The following ACSL5 variants were observed in gnomAD, a reference collection of about 807,000 sequenced individuals.
The protein encoded by ACSL5 is acyl-CoA synthetase long chain family member 5, also known as long-chain-fatty-acid--CoA ligase 5.
In ACSL5, 50 loss-of-function variants were observed where a neutral mutation model predicts 84.9. That is an observed-to-expected ratio of 0.59 (90% CI 0.47 to 0.75). The LOEUF is 0.75. ACSL5 is among the 30% of genes least tolerant of loss of function. The pLI is 0.00. For missense variants in ACSL5, 775 were observed against 830.4 expected (o/e 0.93, Z 0.82); for synonymous variants, 280 against 300.7 (o/e 0.93, Z 0.71).
chr10:112,387,816 CA>C (rs1769495768), intron 1 of ACSL5, among the ~76,000 whole-genome samples: 1 of 151,292 alleles, frequency 6.6e-6, no homozygotes, highest in African/African-American at 2.4e-5. Flanking sequence ...CAATTAAATA[CA>C]AATTAATGAA....
At position 112,409,544 on chromosome 10, in the gene ACSL5, G is replaced by T. The variant is rs1287081923; in HGVS notation, c.570G>T (p.Lys190Asn). 1.4e-5 allele frequency: 22 copies of T among 1,613,838 alleles called. No homozygotes were observed. The highest frequency in any genetic ancestry group is 1.8e-5 in the Non-Finnish European group (21 of 1,180,006). The change falls in exon 7 of 21, where the codon AAG becomes AAT. Residue 190 changes from lysine to asparagine, a missense_variant. Lys to Asn is a moderately conservative substitution (Grantham distance 94). Coordinates refer to ENST00000354655, the MANE Select transcript of ACSL5 (RefSeq NM_203379.2). ...IAMVICDTPQKALVLIGNVEK... is the reference protein window; with the variant it reads ...IAMVICDTPQNALVLIGNVEK... Reference sequence around the variant, plus strand: ...TGGTGATCTGTGACACACCCCAAAAGGCATTGGTGCTGATAGGGAATGTAG... The same window carrying T: ...TGGTGATCTGTGACACACCCCAAAATGCATTGGTGCTGATAGGGAATGTAG...
At chr10:112,421,017 T>C (rs1326463597) in intron 14 of ACSL5, among the ~76,000 whole-genome samples, 1 of 150,728 alleles carries the variant, frequency 6.6e-6, no homozygotes, top group South Asian at 2.1e-4. Context: ...CCACCATGCC[T>C]GGCCAAAATG....
At chr10:112,383,141 C>T (rs977441820) in intron 1 of ACSL5, among the ~76,000 whole-genome samples, 11 of 152,132 alleles carry the variant, frequency 7.2e-5, no homozygotes, top group African/African-American at 2.4e-4. Context: ...AAACAAAAGC[C>T]GAGTGTGGTT....
chr10:112,386,257 A>G (rs931179192), intron 1 of ACSL5, among the ~76,000 whole-genome samples: 1 of 133,520 alleles, frequency 7.5e-6, no homozygotes, highest in Non-Finnish European at 1.5e-5. Context: ...GCAGTGGTGC[A>G]ATCTCGGCTC....
chr10:112,379,721 G>A lies in ACSL5; in HGVS notation c.-30+5452G>A, dbSNP rs1849312569. 2.6e-5 allele frequency among the ~76,000 whole-genome samples: 4 copies of A among 152,080 alleles called. No homozygotes were observed. The South Asian group carries it at 6.2e-4, about 24-fold the overall frequency. ...TGATGCTCAGTGACTCTAAGTAACTGTCCCCAGGGCTACACATGTAGTAAG... is the reference window on the plus strand; with the variant it reads ...TGATGCTCAGTGACTCTAAGTAACTATCCCCAGGGCTACACATGTAGTAAG... On this transcript the variant is annotated intron_variant, in intron 1 of 20. Coordinates refer to ENST00000354655, the MANE Select transcript of ACSL5 (RefSeq NM_203379.2).
chr10:112,389,161 A>G (rs1351752870), intron 1 of ACSL5, among the ~76,000 whole-genome samples: 2 of 152,218 alleles, frequency 1.3e-5, no homozygotes, highest in Admixed American at 6.5e-5. Context: ...CAAAAGGAAA[A>G]AAATCCGAAG....
chr10:112,385,505 C>T (rs1397153221), intron 1 of ACSL5, among the ~76,000 whole-genome samples: 1 of 152,212 alleles, frequency 6.6e-6, no homozygotes, highest in Non-Finnish European at 1.5e-5. Context: ...TTGCATTTCT[C>T]ACCGTTTCAT....
Position 112,417,898 on chromosome 10 carries a change from C to G in ACSL5, c.1271C>G (p.Ser424Cys), listed in dbSNP as rs778881983. 6.2e-7 allele frequency: 1 copy of G among 1,613,786 alleles called. No individual in the cohort carries two copies. The highest frequency in any genetic ancestry group is 8.5e-7 in the Non-Finnish European group (1 of 1,179,882). The change falls in exon 14 of 21, where the codon TCC becomes TGC. Residue 424 changes from serine (S) to cysteine (C), a missense_variant. Physicochemically the swap from Ser to Cys is moderately radical, Grantham distance 112. Transcript: ENST00000354655. ...RVIVTGAAPMSTSVMTFFRAA... is the reference protein window; with the variant it reads ...RVIVTGAAPMCTSVMTFFRAA... ...ATTGTCACTGGAGCTGCCCCCATGTCCACTTCAGTCATGACATTCTTCCGG... is the reference window on the plus strand; with the variant it reads ...ATTGTCACTGGAGCTGCCCCCATGTGCACTTCAGTCATGACATTCTTCCGG...
intron 1 of ACSL5, among the ~76,000 whole-genome samples, chr10:112,383,891 C>T (rs1849398921): frequency 6.6e-6 from 1 of 152,024 alleles, no homozygotes; most frequent in Non-Finnish European, 1.5e-5. Flanking sequence ...TACGCTACGC[C>T]TCCCTAATTA....
intron 12 of ACSL5, among the ~76,000 whole-genome samples, chr10:112,416,395 T>C (rs1426778033): frequency 1.5e-5 from 2 of 133,298 alleles, no homozygotes; most frequent in African/African-American, 2.9e-5. Flanking sequence ...GGCGTGAACC[T>C]GGGAGGTGGA....
At chr10:112,403,405 G>A (rs1290641903) in intron 3 of ACSL5, among the ~76,000 whole-genome samples, 1 of 152,194 alleles carries the variant, frequency 6.6e-6, no homozygotes, top group African/African-American at 2.4e-5. Flanking sequence ...TCCTGCCTCA[G>A]CCTCCCCAGT....
At chr10:112,382,709 A>C (rs897497738) in intron 1 of ACSL5, among the ~76,000 whole-genome samples, 12 of 152,158 alleles carry the variant, frequency 7.9e-5, no homozygotes, top group African/African-American at 2.9e-4. Context: ...GGCCCAGGAC[A>C]CCTGTCTGAA....
chr10:112,414,155 C>T (rs1425730827), intron 12 of ACSL5, among the ~76,000 whole-genome samples: 1 of 152,006 alleles, frequency 6.6e-6, no homozygotes, highest in East Asian at 1.9e-4. Flanking sequence ...ATGGTGATTT[C>T]TGTAATTCTG....
intron 12 of ACSL5, among the ~76,000 whole-genome samples, chr10:112,414,873 C>T (rs534401488): frequency 1.1e-4 from 16 of 152,236 alleles, no homozygotes; most frequent in African/African-American, 2.2e-4. Context: ...GGCTGGGATC[C>T]GTGAGGAAGT....
intron 1 of ACSL5, among the ~76,000 whole-genome samples, chr10:112,377,725 A>T (rs949560826): frequency 2.0e-5 from 3 of 152,334 alleles, no homozygotes; most frequent in East Asian, 1.9e-4. Flanking sequence ...CATGGTGTAA[A>T]ATTTTATAGC....
intron 2 of ACSL5, chr10:112,396,352 G>C (rs930509119): frequency 1.2e-4 from 18 of 152,144 alleles, no homozygotes; most frequent in Admixed American, 1.0e-3. Flanking sequence ...GCAGTAAATG[G>C]CATAGAATTT....
intron 1 of ACSL5, among the ~76,000 whole-genome samples, chr10:112,380,393 G>A (rs1160490477): frequency 6.6e-6 from 1 of 152,112 alleles, no homozygotes; most frequent in Non-Finnish European, 1.5e-5. Flanking sequence ...CAGAGGTGCA[G>A]TGTCTACACT....
chr10:112,422,346 G>T lies in ACSL5; in HGVS notation c.1498G>T (p.Val500Leu). ...EGEVCIKGTN[V>L]FKGYLKDPEK... ...GCAGGTCTGCATCAAGGGTACAAAC[G>T]TGTTCAAAGGATACCTGAAGGACCC... Residue 500 changes from valine (V) to leucine (L), a missense_variant, in exon 17 of 21, where the codon GTG becomes TTG. Transcript: ENST00000354655. The T allele has an allele frequency of 6.2e-7, 1 of 1,614,122 alleles. No homozygotes were observed. The highest frequency in any genetic ancestry group is 8.5e-7 in the Non-Finnish European group (1 of 1,180,008).
Position 112,422,056 on chromosome 10 carries a change from G to C in ACSL5, c.1476+21G>C, listed in dbSNP as rs113325062. ...GAGAGGTGGGTAGGTCATGCCCTGTGGTCAGACAGTCATGGTGGGGAGGTT... is the reference window on the plus strand; with the variant it reads ...GAGAGGTGGGTAGGTCATGCCCTGTCGTCAGACAGTCATGGTGGGGAGGTT... On this transcript the variant is annotated intron_variant, in intron 16 of 20. Coordinates refer to ENST00000354655, the MANE Select transcript of ACSL5 (RefSeq NM_203379.2). 4,131 of 1,610,712 alleles carry C rather than the reference G, an allele frequency of 2.6e-3. 113 individuals carry two copies. The African/African-American group carries it at 0.049, about 19-fold the overall frequency.
Sources: gnomAD v4.1 joint callset for allele counts (sites outside exome capture counted in the v4.1 genomes callset) on GRCh38, gnomAD v4.1.1 for gene constraint, MANE v1.5 for transcripts, NCBI Gene and HGNC (gene_info 2026-07-23, HGNC 2026-07-21) for gene names.